The following IGF2BP3 variants were observed in gnomAD, a reference collection of about 807,000 sequenced individuals.
IGF2BP3 encodes the protein insulin like growth factor 2 mRNA binding protein 3, also known as insulin-like growth factor 2 mRNA-binding protein 3.
A neutral mutation model predicts 73.8 loss-of-function variants in IGF2BP3; 9 were observed. The ratio of observed to expected loss-of-function variants is 0.12; its 90% CI spans 0.07 to 0.21. The LOEUF is 0.21. Among genes scored for constraint, IGF2BP3 ranks in the 10% least tolerant of loss-of-function variants. The pLI is 1.00. For synonymous variants in IGF2BP3, 258 were observed against 256.7 expected, an observed-to-expected ratio of 1.01 and a Z score of -0.05; for missense variants, 542 against 714.0, an observed-to-expected ratio of 0.76 and a Z score of 2.75.
intron 2 of IGF2BP3, among the ~76,000 whole-genome samples, chr7:23,442,517 C>G (rs1446773692): frequency 6.6e-6 from 1 of 152,066 alleles, no homozygotes; most frequent in Non-Finnish European, 1.5e-5. Context: ...CCTGCCTCAG[C>G]CTCTGGAGTA....
At chr7:23,338,153 C>A (rs980381022) in intron 10 of IGF2BP3, among the ~76,000 whole-genome samples, 2 of 151,992 alleles carry the variant, frequency 1.3e-5, no homozygotes, top group South Asian at 2.1e-4. Flanking sequence ...ATATTTCCTA[C>A]GAGTTGGGAT....
At chr7:23,433,037 C>T (rs1459246040) in intron 2 of IGF2BP3, among the ~76,000 whole-genome samples, 2 of 152,112 alleles carry the variant, frequency 1.3e-5, no homozygotes, top group African/African-American at 4.8e-5. Flanking sequence ...GCCTGTATGA[C>T]CTAAAAGCAT....
chr7:23,346,110 G>A (rs200944893), intron 7 of IGF2BP3, 48 bp from the exon 8 acceptor site: 106 of 1,573,138 alleles, frequency 6.7e-5, no homozygotes, highest in Non-Finnish European at 6.6e-5. Context: ...AAACCTATTC[G>A]TGGGTAAAAA....
At chr7:23,325,050 T>C (rs939398508) in intron 10 of IGF2BP3, among the ~76,000 whole-genome samples, 4 of 151,852 alleles carry the variant, frequency 2.6e-5, no homozygotes, top group African/African-American at 4.9e-5. Context: ...CTACTCAACA[T>C]AGTGTTGGAA....
intron 3 of IGF2BP3, among the ~76,000 whole-genome samples, chr7:23,394,421 C>G (rs1439153519): frequency 6.6e-6 from 1 of 152,152 alleles, no homozygotes; most frequent in Non-Finnish European, 1.5e-5. Context: ...GAGCTATGAT[C>G]ATGCCACTGC....
At chr7:23,343,877 A>G in intron 8 of IGF2BP3, 24 bp from the exon 9 acceptor site, 1 of 1,603,366 alleles carries the variant, frequency 6.2e-7, no homozygotes, top group South Asian at 1.1e-5. Context: ...AAGAAGGGAA[A>G]GAAAAAGAAT....
intron 3 of IGF2BP3, among the ~76,000 whole-genome samples, chr7:23,372,529 CA>C (rs1275245005): frequency 1.3e-5 from 2 of 152,178 alleles, no homozygotes; most frequent in Admixed American, 1.3e-4. Flanking sequence ...CTTATGCCTT[CA>C]CATCCTCATA....
chr7:23,462,918 C>G (rs1773080774), intron 2 of IGF2BP3, among the ~76,000 whole-genome samples: 1 of 152,184 alleles, frequency 6.6e-6, no homozygotes, highest in Admixed American at 6.5e-5. Flanking sequence ...TTGCCATCAG[C>G]CTTCAAGCAA....
At chr7:23,336,913 A>C (rs1291749883) in intron 10 of IGF2BP3, among the ~76,000 whole-genome samples, 4 of 151,486 alleles carry the variant, frequency 2.6e-5, no homozygotes, top group African/African-American at 9.7e-5. Flanking sequence ...GCGCCACCAC[A>C]CTCCACCCTG....
At chr7:23,464,689 AAAAT>A (rs1188264139) in intron 2 of IGF2BP3, among the ~76,000 whole-genome samples, 2 of 150,814 alleles carry the variant, frequency 1.3e-5, no homozygotes, top group East Asian at 1.9e-4. Flanking sequence ...ATCTTAAAAA[AAAAT>A]AAATAAATAA....
At chr7:23,420,470 C>T (rs1704203610) in intron 2 of IGF2BP3, among the ~76,000 whole-genome samples, 1 of 151,786 alleles carries the variant, frequency 6.6e-6, no homozygotes, top group Admixed American at 6.6e-5. Context: ...AGAGTGACAA[C>T]CTGTCTCAAA....
rs575215351 is a variant in IGF2BP3 at position 23,388,317 on chromosome 7, G to A, written c.286-26576C>T. ...TACCTGAGAGAAATGAATATACCAGGAAGAAAAACTTTCTCCTTTATCAAC... is the reference window on the plus strand; with the variant it reads ...TACCTGAGAGAAATGAATATACCAGAAAGAAAAACTTTCTCCTTTATCAAC... On this transcript the variant is annotated intron_variant, in intron 3 of 14. Coordinates refer to ENST00000258729, the MANE Select transcript of IGF2BP3 (RefSeq NM_006547.3). Among the ~76,000 whole-genome samples, 13 of 152,184 alleles carry A rather than the reference G, an allele frequency of 8.5e-5. No individual in the cohort carries two copies. In the East Asian group the frequency reaches 2.3e-3, roughly 27 times the overall value.
chr7:23,460,692 G>C (rs1248773209), intron 2 of IGF2BP3, among the ~76,000 whole-genome samples: 1 of 152,210 alleles, frequency 6.6e-6, no homozygotes, highest in Admixed American at 6.5e-5. Flanking sequence ...GCTCACGCCT[G>C]TAATCCCAAC....
chr7:23,386,914 A>G (rs1473432557), intron 3 of IGF2BP3, among the ~76,000 whole-genome samples: 1 of 152,136 alleles, frequency 6.6e-6, no homozygotes, highest in Non-Finnish European at 1.5e-5. Flanking sequence ...TAAAAATACA[A>G]AAATTAAACA....
intron 3 of IGF2BP3, among the ~76,000 whole-genome samples, chr7:23,401,499 T>C (rs1437687456): frequency 6.6e-6 from 1 of 152,144 alleles, no homozygotes; most frequent in Non-Finnish European, 1.5e-5. Context: ...GCACGGTGGC[T>C]CACGCCTGTA....
intron 14 of IGF2BP3, 90 bp downstream of exon 14, chr7:23,312,645 A>G: frequency 9.9e-7 from 1 of 1,014,314 alleles, no homozygotes; most frequent in Non-Finnish European, 1.5e-6. Flanking sequence ...GCATCAAACA[A>G]CCTTAACTAA....
chr7:23,439,450 T>C (rs1787879587), intron 2 of IGF2BP3, among the ~76,000 whole-genome samples: 1 of 149,252 alleles, frequency 6.7e-6, no homozygotes, highest in African/African-American at 2.5e-5. Context: ...TCCCAGCTAC[T>C]TGGGAGGCTG....
chr7:23,357,241 C>T (rs998077917), intron 5 of IGF2BP3, among the ~76,000 whole-genome samples: 8 of 151,830 alleles, frequency 5.3e-5, no homozygotes, highest in African/African-American at 1.9e-4. Context: ...CAGATCTTCA[C>T]AATGATACAA....
At chr7:23,411,984 CTTTTTTT>C (rs767524257) in intron 3 of IGF2BP3, among the ~76,000 whole-genome samples, 150 of 104,822 alleles carry the variant, frequency 1.4e-3, no homozygotes, top group Non-Finnish European at 1.8e-3. Flanking sequence ...ACTTATTTCT[CTTTTTTT>C]TTTTTTTTTT....
Sources: allele counts gnomAD v4.1 joint callset (sites outside exome capture counted in the v4.1 genomes callset), GRCh38; gene constraint gnomAD v4.1.1; transcripts MANE v1.5; gene names NCBI Gene and HGNC (gene_info 2026-07-23, HGNC 2026-07-21).